Variants in HTR3D observed in about 807,000 individuals in gnomAD.
HTR3D encodes the protein 5-hydroxytryptamine (serotonin) receptor 3 family member D.
A neutral mutation model predicts 45.8 loss-of-function variants in HTR3D; 47 were observed. That is an observed-to-expected ratio of 1.03 (90% CI 0.81 to 1.31). The LOEUF is 1.31. Ranked by LOEUF, HTR3D falls within the 50% of genes most tolerant of loss-of-function variation. The pLI, the probability that HTR3D is intolerant of heterozygous loss-of-function variation, is 0.00. For synonymous variants in HTR3D, 203 were observed against 199.8 expected (o/e 1.02, Z -0.13); for missense variants, 448 against 506.9 (o/e 0.88, Z 1.12).
chr3:184,035,454 C>T (rs1398340850), intron 2 of HTR3D, among the ~76,000 whole-genome samples: 2 of 152,150 alleles, frequency 1.3e-5, no homozygotes, highest in Admixed American at 6.5e-5. Context: ...GGAGTCAATA[C>T]TTATGTGGCT....
intron 5 of HTR3D, among the ~76,000 whole-genome samples, 163 bp from the exon 6 acceptor site, chr3:184,037,858 T>C (rs1472482778): frequency 1.3e-5 from 2 of 152,184 alleles, no homozygotes; most frequent in African/African-American, 4.8e-5. Flanking sequence ...ACTCTAACCT[T>C]GTGAGACGCC....
intron 5 of HTR3D, 131 bp from the exon 6 acceptor site, chr3:184,037,890 C>A: frequency 8.9e-7 from 1 of 1,122,904 alleles, no homozygotes; most frequent in Non-Finnish European, 1.2e-6. Context: ...AGACCGGATG[C>A]TGAAAGGGAC....
intron 1 of HTR3D, chr3:184,033,097 G>A (rs1490752165): frequency 7.1e-7 from 1 of 1,401,132 alleles, no homozygotes; most frequent in South Asian, 1.3e-5. Context: ...GTCTAGTGGT[G>A]AGCAGTGGAC....
rs369442739 is a variant in HTR3D at position 184,038,312 on chromosome 3, C to T, written c.769+39C>T. 2.9e-4 allele frequency: 470 copies of T among 1,612,064 alleles called. No homozygotes were observed. The highest frequency in any genetic ancestry group is 3.7e-4 in the Non-Finnish European group (438 of 1,178,484). The stretch of plus-strand genomic sequence containing the variant: ...GGGGAGAGGGATGGGCAGAACCAGG[C>T]GAAGTGAAAAGGGATCCTGGAAAAA... On this transcript the variant is annotated intron_variant, in intron 6 of 7. Transcript: ENST00000428798. This position sits in a 1 kb window ranked among gnomAD's most constrained non-coding sequence, Gnocchi z 4.5.
chr3:184,036,432 A>G lies in HTR3D; in HGVS notation c.255A>G (p.Ser85=). 6.2e-7 allele frequency: 1 copy of G among 1,614,224 alleles called. No individual in the cohort carries two copies. The highest frequency in any genetic ancestry group is 8.5e-7 in the Non-Finnish European group (1 of 1,180,044). The change falls in exon 4 of 8, where the codon TCA becomes TCG. Residue 85 remains serine, a synonymous_variant. Coordinates refer to ENST00000428798, the MANE Select transcript of HTR3D (RefSeq NM_001145143.1). ...MASMSIVKAT[S]NTISQCGWSA... Reference sequence around the variant, plus strand: ...GTATGTCAATAGTGAAGGCCACATCAAACACAATAAGCCAATGTGGGTGGT... The same window carrying G: ...GTATGTCAATAGTGAAGGCCACATCGAACACAATAAGCCAATGTGGGTGGT...
Position 184,036,382 on chromosome 3 carries a change from C to CAGA in HTR3D, c.206_208dup (p.Gln69_Thr70insLys). On this transcript the variant is annotated inframe_insertion, in exon 4 of 8. Coordinates refer to ENST00000428798, the MANE Select transcript of HTR3D (RefSeq NM_001145143.1). ...TCTCCCACACAGCATCAGTGTGGAT[C>CAGA]AGACACCTGCAGGTCTCATGGCTAG... is the stretch of plus-strand genomic sequence containing the variant. The CAGA allele has an allele frequency of 1.2e-6, 2 of 1,614,128 alleles. No homozygotes were observed. The highest frequency in any genetic ancestry group is 1.7e-6 in the Non-Finnish European group (2 of 1,180,034).
At chr3:184,034,873 G>A (rs914902881) in intron 1 of HTR3D, among the ~76,000 whole-genome samples, 4 of 152,146 alleles carry the variant, frequency 2.6e-5, no homozygotes, top group Non-Finnish European at 4.4e-5. Flanking sequence ...AAAATTAGAG[G>A]TGCATTCGGC....
Position 184,038,513 on chromosome 3 carries a change from C to A in HTR3D, c.874C>A (p.Pro292Thr). ...GGCCACCACCCAGCCCCTACCTCTGCCTCGGTGGCTCCACTCCCTGCTGCT... is the reference window on the plus strand; with the variant it reads ...GGCCACCACCCAGCCCCTACCTCTGACTCGGTGGCTCCACTCCCTGCTGCT... ...HVATTQPLPL[P>T]RWLHSLLLHC... Residue 292 changes from proline (P) to threonine (T), a missense_variant, in exon 7 of 8, where the codon CCT (proline) becomes ACT (threonine). Physicochemically the swap from Pro to Thr is conservative, Grantham distance 38. Transcript: ENST00000428798. The surrounding 1 kb of genome is among the most constrained non-coding windows in gnomAD (Gnocchi z 4.5). The A allele has an allele frequency of 6.2e-7, 1 of 1,614,018 alleles. No individual in the cohort carries two copies.
chr3:184,031,898 A>G (rs980549595), intron 1 of HTR3D, 91 bp downstream of exon 1: 3 of 852,040 alleles, frequency 3.5e-6, no homozygotes, highest in African/African-American at 3.4e-5. Flanking sequence ...GAGATAGTCA[A>G]TGATTGGATG....
upstream of HTR3D, chr3:184,031,727 G>T: frequency 6.5e-7 from 1 of 1,547,116 alleles, no homozygotes; most frequent in Non-Finnish European, 8.7e-7. Context: ...CCAGAGAAGT[G>T]CCAAAGAGAG....
upstream of HTR3D, chr3:184,031,642 A>G: frequency 2.6e-6 from 2 of 777,690 alleles, no homozygotes; most frequent in Non-Finnish European, 4.4e-6. Flanking sequence ...ATGCCAGCTG[A>G]TATATATATT....
rs766272888 is a variant in HTR3D at position 184,038,280 on chromosome 3, G to A, written c.769+7G>A. 5.0e-6 allele frequency: 8 copies of A among 1,613,482 alleles called. No homozygotes were observed. Among genetic ancestry groups the A allele is most frequent in the Non-Finnish European group, 5.9e-6 (7 of 1,179,558 alleles). ...TCAAGAGACCAAAAGCGAGGTGTGTGTTGGATGGGGAGAGGGATGGGCAGA... is the reference window on the plus strand; with the variant it reads ...TCAAGAGACCAAAAGCGAGGTGTGTATTGGATGGGGAGAGGGATGGGCAGA... On this transcript the variant is annotated splice_region_variant and intron_variant, in intron 6 of 7. Coordinates refer to ENST00000428798, the MANE Select transcript of HTR3D (RefSeq NM_001145143.1). This position sits in a 1 kb window ranked among gnomAD's most constrained non-coding sequence, Gnocchi z 4.5.
At position 184,038,599 on chromosome 3, in the gene HTR3D, G is replaced by A. The variant is rs955124637; in HGVS notation, c.960G>A (p.Pro320=). ...PTAPQKGNKG[P]GLTPTHLPGV... ...CGCCCCAGAAGGGAAATAAGGGCCCGGGTCTCACCCCCACCCACCTGCCCG... is the reference window on the plus strand; with the variant it reads ...CGCCCCAGAAGGGAAATAAGGGCCCAGGTCTCACCCCCACCCACCTGCCCG... Residue 320 remains proline, a synonymous_variant, in exon 7 of 8, where the codon CCG becomes CCA. Transcript: ENST00000428798. This position sits in a 1 kb window ranked among gnomAD's most constrained non-coding sequence, Gnocchi z 4.5. 1.7e-5 allele frequency: 28 copies of A among 1,613,676 alleles called. No homozygotes were observed. Among genetic ancestry groups the A allele is most frequent in the Middle Eastern group, 1.7e-4 (1 of 5,994 alleles).
In HTR3D at chr3:184,036,073, G is replaced by T. The variant is rs1197460857; in HGVS notation, c.170G>T (p.Trp57Leu). 6.4e-7 allele frequency: 1 copy of T among 1,551,566 alleles called. No individual in the cohort carries two copies. Among genetic ancestry groups the T allele is most frequent in the Non-Finnish European group, 8.7e-7 (1 of 1,146,972 alleles). ...TCCGGCATGGCAACTGAGAACCTAT[G>T]GCTTTCAGATGTCTTCATCGAGGAG... ...KKSGMATENLWLSDVFIEESV... is the reference protein window; with the variant it reads ...KKSGMATENLLLSDVFIEESV... The change falls in exon 3 of 8, where the codon TGG (tryptophan) becomes TTG (leucine). Residue 57 changes from tryptophan to leucine, a missense_variant. Coordinates refer to ENST00000428798, the MANE Select transcript of HTR3D (RefSeq NM_001145143.1).
Position 184,036,733 on chromosome 3 carries a change from A to G in HTR3D, c.368-15A>G. ...GCTGAGTCTTCTGGGCCTGCTTTGC[A>G]GTGGAGAACACGAGCCCGGGCATGG... On this transcript the variant is annotated splice_polypyrimidine_tract_variant and intron_variant, in intron 4 of 7. Transcript: ENST00000428798. 2 of 1,552,482 alleles carry G rather than the reference A, an allele frequency of 1.3e-6. No homozygotes were observed. The highest frequency in any genetic ancestry group is 1.7e-6 in the Non-Finnish European group (2 of 1,147,206).
chr3:184,038,610 C>T lies in HTR3D; in HGVS notation c.971C>T (p.Pro324Leu), dbSNP rs765678856. The T allele has an allele frequency of 1.2e-6, 2 of 1,613,496 alleles. No homozygotes were observed. Among genetic ancestry groups the T allele is most frequent in the East Asian group, 2.2e-5 (1 of 44,826 alleles). Residue 324 changes from proline to leucine, a missense_variant, in exon 7 of 8, where the codon CCC (proline) becomes CTC (leucine). Pro to Leu is a moderately conservative substitution (Grantham distance 98, BLOSUM62 -3). Transcript: ENST00000428798. The surrounding 1 kb of genome is among the most constrained non-coding windows in gnomAD (Gnocchi z 4.5). ...QKGNKGPGLT[P>L]THLPGVKEPE... ...GGAAATAAGGGCCCGGGTCTCACCC[C>T]CACCCACCTGCCCGGTGAGGGAAGT...
In HTR3D at chr3:184,036,706, A is replaced by G. The variant is rs562929018; in HGVS notation, c.368-42A>G. The G allele has an allele frequency of 5.2e-5, 81 of 1,553,500 alleles. No homozygotes were observed. In the East Asian group the frequency reaches 1.9e-3, roughly 37 times the overall value. ...GCAAGGGACTTGGGCGCATTTGGGGAGGCTGAGTCTTCTGGGCCTGCTTTG... is the reference window on the plus strand; with the variant it reads ...GCAAGGGACTTGGGCGCATTTGGGGGGGCTGAGTCTTCTGGGCCTGCTTTG... On this transcript the variant is annotated intron_variant, in intron 4 of 7. Coordinates refer to ENST00000428798, the MANE Select transcript of HTR3D (RefSeq NM_001145143.1).
In HTR3D at chr3:184,036,412, T is replaced by C; in HGVS notation, c.235T>C (p.Ser79Pro). The C allele has an allele frequency of 2.5e-6, 4 of 1,614,168 alleles. No individual in the cohort carries two copies. The highest frequency in any genetic ancestry group is 3.4e-6 in the Non-Finnish European group (4 of 1,180,032). ...QTPAGLMASM[S>P]IVKATSNTIS... ...ACCTGCAGGTCTCATGGCTAGTATG[T>C]CAATAGTGAAGGCCACATCAAACAC... The change falls in exon 4 of 8, where the codon TCA becomes CCA. Residue 79 changes from serine (S) to proline (P), a missense_variant. Coordinates refer to ENST00000428798, the MANE Select transcript of HTR3D (RefSeq NM_001145143.1).
chr3:184,035,485 C>CCAAGCT (rs1433084324), intron 2 of HTR3D, among the ~76,000 whole-genome samples: 2 of 152,122 alleles, frequency 1.3e-5, no homozygotes, highest in Non-Finnish European at 2.9e-5. Flanking sequence ...GAATCCTGAG[C>CCAAGCT]CAAGCTCAAG....
Sources: gnomAD v4.1 joint callset for allele counts (sites outside exome capture counted in the v4.1 genomes callset) on GRCh38, gnomAD v4.1.1 for gene constraint, Gnocchi (gnomAD v3.1) non-coding constraint, MANE v1.5 for transcripts, NCBI Gene and HGNC (gene_info 2026-07-23, HGNC 2026-07-21) for gene names.